The following DUSP3 variants were observed in gnomAD, a reference collection of about 807,000 sequenced individuals.
DUSP3 encodes the protein dual specificity protein phosphatase 3.
Under a neutral mutation model 15.5 loss-of-function variants are expected in DUSP3, and 7 were observed. That is an observed-to-expected ratio of 0.45 (90% CI 0.26 to 0.85). The LOEUF is 0.85. DUSP3 is among the 40% of genes least tolerant of loss of function. The pLI is 0.18. For missense variants in DUSP3, 209 were observed against 251.7 expected, an observed-to-expected ratio of 0.83 and a Z score of 1.15; for synonymous variants, 86 against 104.2, an observed-to-expected ratio of 0.83 and a Z score of 1.07.
chr17:43,768,793 T>G lies in DUSP3; in HGVS notation c.*816A>C, dbSNP rs949941158. On this transcript the variant is annotated 3_prime_UTR_variant, in exon 3 of 3. Coordinates refer to ENST00000226004, the MANE Select transcript of DUSP3 (RefSeq NM_004090.4). Reference sequence around the variant, plus strand: ...AATAGGTTGGACTTCAACTCCCTGTTTTCTAAAAAAGAAAAAAAAAAAAGC... The same window carrying G: ...AATAGGTTGGACTTCAACTCCCTGTGTTCTAAAAAAGAAAAAAAAAAAAGC... The G allele has an allele frequency of 6.6e-6, 1 of 151,782 alleles. No individual in the cohort carries two copies. Among genetic ancestry groups the G allele is most frequent in the Non-Finnish European group, 1.5e-5 (1 of 67,978 alleles). The allele number at this position is 151,782 out of a possible 1,614,324, so 9.4% of individuals were successfully genotyped here. A position where few individuals can be genotyped will look rare whatever the true frequency, so the allele number is the denominator to read the frequency against.
chr17:43,770,326 C>T (rs1974298539), intron 2 of DUSP3, among the ~76,000 whole-genome samples: 1 of 152,198 alleles, frequency 6.6e-6, no homozygotes, highest in African/African-American at 2.4e-5. Context: ...GATGAGCCCA[C>T]AGAGTAGGAA....
chr17:43,771,026 GTGTGTA>G (rs1974312827), intron 2 of DUSP3, among the ~76,000 whole-genome samples: 8 of 149,220 alleles, frequency 5.4e-5, no homozygotes, highest in African/African-American at 1.5e-4. Flanking sequence ...GTGTGTATGT[GTGTGTA>G]TATATATATA....
chr17:43,774,916 T>G lies in DUSP3; in HGVS notation c.148A>C (p.Lys50Gln). The change falls in exon 2 of 3, where the codon AAG becomes CAG. Residue 50 changes from lysine (K) to glutamine (Q), a missense_variant. Physicochemically the swap from Lys to Gln is moderately conservative, Grantham distance 53. Transcript: ENST00000226004. ...GNASVAQDIP[K>Q]LQKLGITHVL... ...TGGGTGATGCCTAGTTTCTGCAGCT[T>G]GGGGATGTCCTGAGCCACAGACCTG... The G allele has an allele frequency of 6.2e-7, 1 of 1,614,154 alleles. No homozygotes were observed. The highest frequency in any genetic ancestry group is 8.5e-7 in the Non-Finnish European group (1 of 1,180,024).
chr17:43,766,296 C>T lies in DUSP3; in HGVS notation c.*3313G>A, dbSNP rs1714184990. The T allele has an allele frequency of 1.3e-5, 2 of 152,146 alleles. No individual in the cohort carries two copies. Among genetic ancestry groups the T allele is most frequent in the South Asian group, 2.1e-4 (1 of 4,832 alleles). 9.4% of individuals were successfully genotyped at this position (152,146 alleles called of 1,614,324 possible). On this transcript the variant is annotated 3_prime_UTR_variant, in exon 3 of 3. Coordinates refer to ENST00000226004, the MANE Select transcript of DUSP3 (RefSeq NM_004090.4). Reference sequence around the variant, plus strand: ...ATCAAATTACCCTAAAATTTGGTGGCGTTAAGAGGCAACAAAAGTTAAGCT... The same window carrying T: ...ATCAAATTACCCTAAAATTTGGTGGTGTTAAGAGGCAACAAAAGTTAAGCT...
At chr17:43,771,854 CA>C (rs1403680827) in intron 2 of DUSP3, among the ~76,000 whole-genome samples, 1 of 151,922 alleles carries the variant, frequency 6.6e-6, no homozygotes, top group Non-Finnish European at 1.5e-5. Flanking sequence ...ACTAAAAATA[CA>C]AAAAATTAGC....
chr17:43,776,900 C>A (rs977550096), intron 1 of DUSP3, among the ~76,000 whole-genome samples: 1 of 152,216 alleles, frequency 6.6e-6, no homozygotes, highest in African/African-American at 2.4e-5. Context: ...GCTTAGGACA[C>A]CGCGCAAGAC....
intron 2 of DUSP3, among the ~76,000 whole-genome samples, chr17:43,772,142 T>C (rs1974328266): frequency 6.6e-6 from 1 of 152,280 alleles, no homozygotes; most frequent in South Asian, 2.1e-4. Context: ...CTAACACCTC[T>C]ATAAGGCCAT....
Position 43,769,708 on chromosome 17 carries a change from G to A in DUSP3, c.459C>T (p.Ile153=), listed in dbSNP as rs1034967163. The A allele has an allele frequency of 8.7e-6, 14 of 1,613,866 alleles. No individual in the cohort carries two copies. Among genetic ancestry groups the A allele is most frequent in the African/African-American group, 2.7e-5 (2 of 75,040 alleles). Residue 153 remains isoleucine (I), a synonymous_variant, in exon 3 of 3, where the codon ATC becomes ATT. Coordinates refer to ENST00000226004, the MANE Select transcript of DUSP3 (RefSeq NM_004090.4). Reference sequence around the variant, plus strand: ...GGCCGATCTCACGGTTCTGCCTCACGATGCTCAGGGCAGACTTGACGTCCA... The same window carrying A: ...GGCCGATCTCACGGTTCTGCCTCACAATGCTCAGGGCAGACTTGACGTCCA... ...QKMDVKSALS[I]VRQNREIGPN...
intron 1 of DUSP3, among the ~76,000 whole-genome samples, chr17:43,777,263 G>A (rs553914174): frequency 7.2e-5 from 11 of 152,318 alleles, no homozygotes; most frequent in South Asian, 2.1e-4. Flanking sequence ...GTGAGCCATC[G>A]TGCCAGGCCT....
rs372866838 is a variant in DUSP3, at chr17:43,774,875, A to G, written c.189T>C (p.Ala63=). The G allele has an allele frequency of 1.2e-5, 20 of 1,614,212 alleles. No homozygotes were observed. In the African/African-American group the frequency reaches 2.4e-4, roughly 19 times the overall value. Residue 63 remains alanine (A), a synonymous_variant, in exon 2 of 3, where the codon GCT becomes GCC. Coordinates refer to ENST00000226004, the MANE Select transcript of DUSP3 (RefSeq NM_004090.4). The part of the protein sequence containing the change: ...KLGITHVLNA[A]EGRSFMHVNT... ...TGACGTGCATGAAGGACCTGCCCTC[A>G]GCCGCGTTCAGCACATGGGTGATGC...
chr17:43,770,470 AC>A (rs1424593497), intron 2 of DUSP3, among the ~76,000 whole-genome samples: 1 of 151,530 alleles, frequency 6.6e-6, no homozygotes, highest in Non-Finnish European at 1.5e-5. Flanking sequence ...AGACTGGCCA[AC>A]ATAGTGAAAT....
At chr17:43,776,102 G>C (rs549731530) in intron 1 of DUSP3, among the ~76,000 whole-genome samples, 1 of 152,190 alleles carries the variant, frequency 6.6e-6, no homozygotes. Context: ...CTGGGTGACA[G>C]AGTGAGACTC....
Position 43,766,890 on chromosome 17 carries a change from G to A in DUSP3, c.*2719C>T, listed in dbSNP as rs559414514. On this transcript the variant is annotated 3_prime_UTR_variant, in exon 3 of 3. Coordinates refer to ENST00000226004, the MANE Select transcript of DUSP3 (RefSeq NM_004090.4). The stretch of plus-strand genomic sequence containing the variant: ...CAAAGAAAGGGAACAGGTCTGGGGA[G>A]GGGGTAAGGGCACCCTGAGTTCCTG... 4 of 152,320 alleles carry A rather than the reference G, an allele frequency of 2.6e-5. No individual in the cohort carries two copies. Among genetic ancestry groups the A allele is most frequent in the Non-Finnish European group, 5.9e-5 (4 of 68,058 alleles). The allele number at this position is 152,320 out of a possible 1,614,324, so 9.4% of individuals were successfully genotyped here. A position where few individuals can be genotyped will look rare whatever the true frequency, so the allele number is the denominator to read the frequency against.
chr17:43,774,179 C>T, intron 2 of DUSP3: 1 of 271,394 alleles, frequency 3.7e-6, no homozygotes, highest in East Asian at 1.5e-4. Flanking sequence ...GAGATGGCTG[C>T]AGGGCCTCAT....
intron 1 of DUSP3, among the ~76,000 whole-genome samples, chr17:43,776,397 C>T: frequency 6.6e-6 from 1 of 152,240 alleles, no homozygotes. Flanking sequence ...AGAAGACCTC[C>T]TTTCTCCCGA....
intron 1 of DUSP3, among the ~76,000 whole-genome samples, 165 bp downstream of exon 1, chr17:43,778,635 G>T (rs1433612154): frequency 6.6e-6 from 1 of 152,078 alleles, no homozygotes; most frequent in African/African-American, 2.4e-5. Flanking sequence ...ACGCGCGGGG[G>T]TAGGCGTCGA....
rs1321500053 is a variant in DUSP3 at position 43,769,769 on chromosome 17, G to A, written c.398C>T (p.Thr133Met). ...CATCATGAGGTAGGCGATAACTAGC[G>A]TTGGGGAGCGGCTATAACCTTCCCG... ...HCREGYSRSP[T>M]LVIAYLMMRQ... Residue 133 changes from threonine to methionine, a missense_variant, in exon 3 of 3, where the codon ACG (threonine) becomes ATG (methionine). Physicochemically the swap from Thr to Met is moderately conservative, Grantham distance 81. Transcript: ENST00000226004. The A allele has an allele frequency of 7.4e-6, 12 of 1,614,116 alleles. No homozygotes were observed. Among genetic ancestry groups the A allele is most frequent in the South Asian group, 2.2e-5 (2 of 91,082 alleles).
chr17:43,769,807 C>A lies in DUSP3; in HGVS notation c.360G>T (p.Val120=), dbSNP rs188130459. ...TATAACCTTCCCGGCAGTGGACGAG[C>A]ACCCGGCCTGTAAGAAACAGGGGAG... The part of the protein sequence containing the change: ...DQALAQKNGR[V]LVHCREGYSR... Residue 120 remains valine, a synonymous_variant, in exon 3 of 3, where the codon GTG becomes GTT. Transcript: ENST00000226004. The A allele has an allele frequency of 2.2e-5, 35 of 1,614,098 alleles. No individual in the cohort carries two copies. Among genetic ancestry groups the A allele is most frequent in the Middle Eastern group, 1.7e-4 (1 of 6,056 alleles).
intron 1 of DUSP3, among the ~76,000 whole-genome samples, chr17:43,778,592 C>T (rs1974420372): frequency 6.6e-6 from 1 of 152,170 alleles, no homozygotes; most frequent in South Asian, 2.1e-4. Context: ...AAGGGCCGCG[C>T]CCGGCCAGGC....
Sources: gnomAD v4.1 joint callset for allele counts (sites outside exome capture counted in the v4.1 genomes callset) on GRCh38, gnomAD v4.1.1 for gene constraint, MANE v1.5 for transcripts, NCBI Gene and HGNC (gene_info 2026-07-23, HGNC 2026-07-21) for gene names.